KLF12: variants seen among roughly 807,000 people sequenced by gnomAD.
KLF12 encodes the protein KLF transcription factor 12.
A neutral mutation model predicts 37.8 loss-of-function variants in KLF12; 9 were observed. The observed-to-expected ratio is 0.24, with a 90% CI of 0.14 to 0.42. KLF12 has a LOEUF of 0.42. Among genes scored for constraint, KLF12 ranks in the 10% least tolerant of loss-of-function variants. KLF12 has a pLI of 1.00. For missense variants in KLF12, 411 were observed against 516.0 expected (o/e 0.80, Z 1.97); for synonymous variants, 208 against 202.1 (o/e 1.03, Z -0.25).
At position 73,938,223 on chromosome 13, in the gene KLF12, C is replaced by G. The variant is rs542655776; in HGVS notation, c.123+5758G>C. Among the ~76,000 whole-genome samples, 16 of 152,180 alleles carry G rather than the reference C, an allele frequency of 1.1e-4. No individual in the cohort carries two copies. The South Asian group carries it at 2.7e-3, about 26-fold the overall frequency. The stretch of plus-strand genomic sequence containing the variant: ...TCATTAAAGTAACACTGTCTTACTA[C>G]GCCTTTACGCACAGATGTACACTAG... On this transcript the variant is annotated intron_variant, in intron 3 of 7. Transcript: ENST00000377669.
chr13:73,728,613 T>C (rs937000817), intron 6 of KLF12, among the ~76,000 whole-genome samples: 1 of 152,232 alleles, frequency 6.6e-6, no homozygotes, highest in African/African-American at 2.4e-5. Context: ...CCTAGTGTAC[T>C]GAGTGTTTTC....
intron 1 of KLF12, among the ~76,000 whole-genome samples, chr13:74,000,232 G>A (rs918690674): frequency 2.6e-5 from 4 of 152,056 alleles, no homozygotes; most frequent in African/African-American, 7.2e-5. Flanking sequence ...GAAAAGCTAT[G>A]TCCGAAACCT....
chr13:73,924,431 G>A (rs1265469756), intron 3 of KLF12, among the ~76,000 whole-genome samples: 1 of 152,080 alleles, frequency 6.6e-6, no homozygotes, highest in Non-Finnish European at 1.5e-5. Flanking sequence ...TTGTTATGGC[G>A]AGTTGTGATC....
chr13:74,182,114 A>G, the KLF12 span, among the ~76,000 whole-genome samples: 1 of 152,228 alleles, frequency 6.6e-6, no homozygotes, highest in African/African-American at 2.4e-5. Flanking sequence ...AAATAAATTG[A>G]TAAGTGTTAA....
At chr13:73,772,156 ATC>A (rs1566357206) in intron 5 of KLF12, among the ~76,000 whole-genome samples, 4 of 34,258 alleles carry the variant, frequency 1.2e-4, no homozygotes, top group Non-Finnish European at 4.9e-4. Context: ...CAACCTGTCT[ATC>A]TTTTACTTAA....
chr13:73,712,338 C>CCAAAAA (rs1875466217), intron 7 of KLF12, among the ~76,000 whole-genome samples: 1 of 42,058 alleles, frequency 2.4e-5, no homozygotes, highest in African/African-American at 7.6e-5. Flanking sequence ...AACTCCATGT[C>CCAAAAA]AAAAAAAAAA....
chr13:74,049,845 G>A (rs776111327), intron 1 of KLF12, among the ~76,000 whole-genome samples: 6 of 152,140 alleles, frequency 3.9e-5, no homozygotes, highest in Non-Finnish European at 8.8e-5. Flanking sequence ...AGGAAAGTAA[G>A]TTCTGCAATA....
At chr13:73,728,704 G>A (rs557501410) in intron 6 of KLF12, among the ~76,000 whole-genome samples, 5 of 152,318 alleles carry the variant, frequency 3.3e-5, no homozygotes, top group East Asian at 1.9e-4. Context: ...TTAATGTGGT[G>A]TATTACATTG....
At position 73,995,006 on chromosome 13, in the gene KLF12, T is replaced by C; in HGVS notation, c.17A>G (p.Lys6Arg). The C allele has an allele frequency of 6.2e-7, 1 of 1,604,890 alleles. No individual in the cohort carries two copies. The highest frequency in any genetic ancestry group is 8.5e-7 in the Non-Finnish European group (1 of 1,172,908). The change falls in exon 2 of 8, where the codon AAG becomes AGG. Residue 6 changes from lysine (K) to arginine (R), a missense_variant. Lys to Arg is a conservative substitution (Grantham distance 26). This residue lies in a region of KLF12 where 351 missense variants were observed against 397.8 expected (regional missense o/e 0.88). Coordinates refer to ENST00000377669, the MANE Select transcript of KLF12 (RefSeq NM_007249.5). ...CTAACCAACCTTTATTGTTTTTCTC[T>C]TCATATGGATATTCATTCATCCATT...
chr13:74,191,821 CTCTG>C, the KLF12 span, among the ~76,000 whole-genome samples: 2 of 152,032 alleles, frequency 1.3e-5, no homozygotes, highest in Admixed American at 6.6e-5. Flanking sequence ...TTTTATTTCT[CTCTG>C]TCTATATATA....
intron 1 of KLF12, among the ~76,000 whole-genome samples, chr13:74,007,017 A>G (rs1030821354): frequency 6.6e-6 from 1 of 152,130 alleles, no homozygotes. Flanking sequence ...GCCCTTCTGA[A>G]GAGGAAGGGG....
At chr13:74,289,716 T>C in the KLF12 span, among the ~76,000 whole-genome samples, 1 of 152,148 alleles carries the variant, frequency 6.6e-6, no homozygotes, top group Non-Finnish European at 1.5e-5. Flanking sequence ...TTACATTCTA[T>C]ATAGAATGAT....
At position 73,920,031 on chromosome 13, in the gene KLF12, C is replaced by T. The variant is rs1035541322; in HGVS notation, c.123+23950G>A. Among the ~76,000 whole-genome samples, 6 of 152,138 alleles carry T rather than the reference C, an allele frequency of 3.9e-5. No homozygotes were observed. In the South Asian group the frequency reaches 8.3e-4, roughly 21 times the overall value. On this transcript the variant is annotated intron_variant, in intron 3 of 7. Transcript: ENST00000377669. ...TCGGGACATCCACTCCCTCTCCGTT[C>T]GGGTGCTCTACTGTTAGCATCTTTT...
At chr13:73,967,325 G>A (rs1891196485) in intron 2 of KLF12, among the ~76,000 whole-genome samples, 1 of 152,232 alleles carries the variant, frequency 6.6e-6, no homozygotes, top group South Asian at 2.1e-4. Flanking sequence ...GAAGGAGCCT[G>A]CCAAGGCTGG....
intron 5 of KLF12, among the ~76,000 whole-genome samples, chr13:73,789,297 C>T (rs1404458036): frequency 1.3e-5 from 2 of 152,138 alleles, no homozygotes; most frequent in African/African-American, 4.8e-5. Context: ...TCACAAAAGT[C>T]CTGCAGCAGG....
At chr13:74,060,503 T>TGC (rs1873530477) in intron 1 of KLF12, among the ~76,000 whole-genome samples, 1 of 141,100 alleles carries the variant, frequency 7.1e-6, no homozygotes, top group Non-Finnish European at 1.6e-5. Flanking sequence ...TGTGTGTGTG[T>TGC]GTGTGTGTGT....
chr13:74,002,264 T>G (rs1892299681), intron 1 of KLF12, among the ~76,000 whole-genome samples: 1 of 152,244 alleles, frequency 6.6e-6, no homozygotes, highest in Non-Finnish European at 1.5e-5. Context: ...ATTAGTAGAC[T>G]GTCAAAGGGA....
intron 2 of KLF12, 84 bp downstream of exon 2, chr13:73,994,906 G>C: frequency 1.2e-6 from 1 of 856,678 alleles, no homozygotes; most frequent in South Asian, 1.4e-5. Flanking sequence ...ACACAAGAAG[G>C]TACTCTAATG....
chr13:73,821,700 G>T (rs1018057924), intron 4 of KLF12, among the ~76,000 whole-genome samples: 3 of 152,088 alleles, frequency 2.0e-5, no homozygotes, highest in Non-Finnish European at 2.9e-5. Flanking sequence ...TACCGAATAT[G>T]GTTCAGCAGC....
Sources: gnomAD v4.1 joint callset for allele counts (sites outside exome capture counted in the v4.1 genomes callset) on GRCh38, gnomAD v4.1.1 for gene constraint, gnomAD v4.1.1 regional missense constraint, MANE v1.5 for transcripts, NCBI Gene and HGNC (gene_info 2026-07-23, HGNC 2026-07-21) for gene names.